PRKCB: variants seen among roughly 807,000 people sequenced by gnomAD.
The protein encoded by PRKCB is protein kinase C beta.
Under a neutral mutation model 81.5 loss-of-function variants are expected in PRKCB, and 13 were observed. The ratio of observed to expected loss-of-function variants is 0.16; its 90% CI spans 0.10 to 0.25. The LOEUF is 0.25. Among genes scored for constraint, PRKCB ranks in the 10% least tolerant of loss-of-function variants. The pLI, the probability that PRKCB is intolerant of heterozygous loss-of-function variation, is 1.00. For synonymous variants in PRKCB, 335 were observed against 321.4 expected (o/e 1.04, Z -0.45); for missense variants, 509 against 875.7 (o/e 0.58, Z 5.29).
At chr16:24,149,782 T>C (rs561772261) in intron 9 of PRKCB, among the ~76,000 whole-genome samples, 1 of 152,344 alleles carries the variant, frequency 6.6e-6, no homozygotes, top group African/African-American at 2.4e-5. Context: ...TGTATTTTAA[T>C]TATTAGTAAG....
chr16:23,907,003 G>A (rs1046349913), intron 2 of PRKCB, among the ~76,000 whole-genome samples: 4 of 152,138 alleles, frequency 2.6e-5, no homozygotes, highest in Non-Finnish European at 5.9e-5. Flanking sequence ...TTGGGGTGGG[G>A]GAAAGTGAGT....
chr16:24,007,156 T>C (rs368149527), intron 3 of PRKCB, among the ~76,000 whole-genome samples: 94 of 152,290 alleles, frequency 6.2e-4, no homozygotes, highest in African/African-American at 2.2e-3. Context: ...AGTTTCCTCA[T>C]CTATAAAAAG....
intron 2 of PRKCB, among the ~76,000 whole-genome samples, chr16:23,852,089 C>A (rs1239320657): frequency 1.3e-5 from 2 of 152,144 alleles, no homozygotes; most frequent in African/African-American, 4.8e-5. Flanking sequence ...TTCTTCCCTT[C>A]CTATTAGGAT....
In PRKCB at chr16:24,049,062, T is replaced by G. The variant is rs957047194; in HGVS notation, c.529+13515T>G. 7.8e-5 allele frequency among the ~76,000 whole-genome samples: 11 copies of G among 141,702 alleles called. No homozygotes were observed. The South Asian group carries it at 1.9e-3, about 24-fold the overall frequency. 93.0% of individuals were successfully genotyped at this position (141,702 alleles called of 152,430 possible). On this transcript the variant is annotated intron_variant, in intron 5 of 16. Coordinates refer to ENST00000643927, the MANE Select transcript of PRKCB (RefSeq NM_002738.7). ...AAATTGGCCTGTTTTTTTTTTTTTT[T>G]TTTTTTTTTTTTTTTGCAGAAAGAC...
chr16:23,956,534 T>C (rs1176685567), intron 2 of PRKCB, among the ~76,000 whole-genome samples: 3 of 152,202 alleles, frequency 2.0e-5, no homozygotes, highest in African/African-American at 7.2e-5. Flanking sequence ...TCTTGGGCAC[T>C]GTAGTGGGGA....
rs767852403 is a variant in PRKCB at position 24,220,017 on chromosome 16, A to G, written c.*5201A>G. 6.2e-7 allele frequency: 1 copy of G among 1,614,176 alleles called. No homozygotes were observed. The highest frequency in any genetic ancestry group is 1.1e-5 in the South Asian group (1 of 91,084). On this transcript the variant is annotated 3_prime_UTR_variant, in exon 17 of 17. Transcript: ENST00000643927. Reference sequence around the variant, plus strand: ...AAGAGTTCACCAGACAGCCTGTGGAACTGACCCCCACTGATAAACTCTTCA... The same window carrying G: ...AAGAGTTCACCAGACAGCCTGTGGAGCTGACCCCCACTGATAAACTCTTCA...
At chr16:23,936,888 T>G (rs1297298084) in intron 2 of PRKCB, among the ~76,000 whole-genome samples, 2 of 152,108 alleles carry the variant, frequency 1.3e-5, no homozygotes, top group Non-Finnish European at 2.9e-5. Flanking sequence ...ATCTGTAGAG[T>G]TCCCATAAGT....
At chr16:23,862,809 T>C (rs1962695805) in intron 2 of PRKCB, among the ~76,000 whole-genome samples, 1 of 152,076 alleles carries the variant, frequency 6.6e-6, no homozygotes, top group African/African-American at 2.4e-5. Context: ...AGACCGGGAC[T>C]TGCTGGGCTG....
chr16:24,028,804 GTTT>G (rs76940673), intron 3 of PRKCB, among the ~76,000 whole-genome samples: 1 of 148,966 alleles, frequency 6.7e-6, no homozygotes, highest in Non-Finnish European at 1.5e-5. Context: ...TATGGTTGTT[GTTT>G]TTTTTTTTTC....
Position 24,217,151 on chromosome 16 carries a change from A to G in PRKCB, c.*2335A>G. ...GAAAGAAAGAGAAAGGAAGGAAGGAAAGAAGGAAGGAAAAGAAGGAAGGAA... is the reference window on the plus strand; with the variant it reads ...GAAAGAAAGAGAAAGGAAGGAAGGAGAGAAGGAAGGAAAAGAAGGAAGGAA... On this transcript the variant is annotated 3_prime_UTR_variant, in exon 17 of 17. Coordinates refer to ENST00000643927, the MANE Select transcript of PRKCB (RefSeq NM_002738.7). The G allele has an allele frequency of 1.0e-6, 1 of 982,270 alleles. No individual in the cohort carries two copies. The highest frequency in any genetic ancestry group is 1.2e-6 in the Non-Finnish European group (1 of 827,372). 60.8% of individuals were successfully genotyped at this position (982,270 alleles called of 1,614,324 possible).
chr16:24,175,971 C>T (rs1219600913), intron 12 of PRKCB, among the ~76,000 whole-genome samples: 1 of 49,850 alleles, frequency 2.0e-5, no homozygotes, highest in Non-Finnish European at 4.0e-5. Context: ...GACCCTGTCT[C>T]AAAAAAAAAA....
Position 23,950,763 on chromosome 16 carries a change from C to T in PRKCB, c.206-37745C>T, listed in dbSNP as rs573964756. 8.5e-5 allele frequency among the ~76,000 whole-genome samples: 13 copies of T among 152,322 alleles called. No individual in the cohort carries two copies. In the East Asian group the frequency reaches 1.9e-3, roughly 23 times the overall value. On this transcript the variant is annotated intron_variant, in intron 2 of 16. Coordinates refer to ENST00000643927, the MANE Select transcript of PRKCB (RefSeq NM_002738.7). The stretch of plus-strand genomic sequence containing the variant: ...AGGCTGGTGCCTCTTTGCAGTTTCA[C>T]TTTAGCAAGTGAAACTTTATTTTTC...
intron 5 of PRKCB, among the ~76,000 whole-genome samples, chr16:24,062,412 G>A (rs1435196855): frequency 6.6e-6 from 1 of 152,252 alleles, no homozygotes; most frequent in Non-Finnish European, 1.5e-5. Flanking sequence ...AAGCACTTTT[G>A]AGGATTCTGT....
chr16:24,171,589 A>T (rs564289262), intron 10 of PRKCB, among the ~76,000 whole-genome samples: 1 of 152,174 alleles, frequency 6.6e-6, no homozygotes, highest in Non-Finnish European at 1.5e-5. Context: ...TACTACAGCT[A>T]TCTATCACCT....
At position 24,217,394 on chromosome 16, in the gene PRKCB, G is replaced by A. The variant is rs1354529008; in HGVS notation, c.*2578G>A. The A allele has an allele frequency of 3.0e-6, 3 of 985,280 alleles. No homozygotes were observed. Among genetic ancestry groups the A allele is most frequent in the Non-Finnish European group, 3.6e-6 (3 of 829,930 alleles). 61.0% of individuals were successfully genotyped at this position (985,280 alleles called of 1,614,324 possible). On this transcript the variant is annotated 3_prime_UTR_variant, in exon 17 of 17. Coordinates refer to ENST00000643927, the MANE Select transcript of PRKCB (RefSeq NM_002738.7). ...CAGAGCTTTTTGAAGAGAGGACAGG[G>A]CCATAGCAACAAGGACCTTCTTGGG...
At chr16:23,899,146 A>C (rs1173239794) in intron 2 of PRKCB, among the ~76,000 whole-genome samples, 1 of 152,240 alleles carries the variant, frequency 6.6e-6, no homozygotes, top group East Asian at 1.9e-4. Context: ...GAAGTCTGCT[A>C]TTCAGCAGAT....
chr16:23,948,301 C>T lies in PRKCB; in HGVS notation c.206-40207C>T, dbSNP rs544604861. The stretch of plus-strand genomic sequence containing the variant: ...TGTCCTAATTGGATTCTCAGGGCCT[C>T]CCAAAGCTTGTCTTTCCTGGTTAAA... On this transcript the variant is annotated intron_variant, in intron 2 of 16. Transcript: ENST00000643927. 9.2e-5 allele frequency among the ~76,000 whole-genome samples: 14 copies of T among 152,286 alleles called. No individual in the cohort carries two copies. The South Asian group carries it at 2.3e-3, about 25-fold the overall frequency.
intron 9 of PRKCB, among the ~76,000 whole-genome samples, chr16:24,130,472 C>T (rs987244083): frequency 1.3e-5 from 2 of 152,046 alleles, no homozygotes; most frequent in Admixed American, 6.6e-5. Flanking sequence ...GGCCCCCACC[C>T]CCAAAATAGG....
At chr16:23,838,103 G>A (rs1422413855) in intron 2 of PRKCB, among the ~76,000 whole-genome samples, 4 of 152,154 alleles carry the variant, frequency 2.6e-5, no homozygotes, top group African/African-American at 4.8e-5. Context: ...CCCCTCCCCC[G>A]TCTTTGGGGC....
Sources: gnomAD v4.1 joint callset for allele counts (sites outside exome capture counted in the v4.1 genomes callset) on GRCh38, gnomAD v4.1.1 for gene constraint, MANE v1.5 for transcripts, NCBI Gene and HGNC (gene_info 2026-07-23, HGNC 2026-07-21) for gene names.